The following LCA5L variants were observed in gnomAD, a reference collection of about 807,000 sequenced individuals.
The protein encoded by LCA5L is lebercilin LCA5 like.
LCA5L carries 35 observed loss-of-function variants against 45.4 expected under a neutral mutation model. The ratio of observed to expected loss-of-function variants is 0.77; its 90% CI spans 0.59 to 1.02. LCA5L has a LOEUF of 1.02. Ranked by LOEUF, LCA5L falls within the 50% of genes least tolerant of loss-of-function variation. The pLI is 0.00. For synonymous variants in LCA5L, 233 were observed against 264.7 expected (o/e 0.88, Z 1.16); for missense variants, 668 against 761.6 (o/e 0.88, Z 1.45).
At chr21:39,439,127 A>G (rs571522270) in intron 2 of LCA5L, among the ~76,000 whole-genome samples, 23 of 152,232 alleles carry the variant, frequency 1.5e-4, no homozygotes, top group Non-Finnish European at 3.4e-4. Context: ...AGAAGGACAC[A>G]GGAGGGGTCA....
chr21:39,422,020 A>G (rs985707044), intron 6 of LCA5L: 1 of 152,252 alleles, frequency 6.6e-6, no homozygotes, highest in East Asian at 1.9e-4. Flanking sequence ...AAAAGGCCCA[A>G]TAATATCACT....
intron 4 of LCA5L, among the ~76,000 whole-genome samples, 171 bp downstream of exon 4, chr21:39,428,960 A>G (rs2075346117): frequency 6.6e-6 from 1 of 152,030 alleles, no homozygotes; most frequent in African/African-American, 2.4e-5. Context: ...TTAGTTGTCT[A>G]AAGTGATAAT....
At chr21:39,436,348 C>A (rs2076284370) in intron 2 of LCA5L, among the ~76,000 whole-genome samples, 1 of 151,968 alleles carries the variant, frequency 6.6e-6, no homozygotes, top group South Asian at 2.1e-4. Context: ...AATCCTAATT[C>A]TTAAAAGTAA....
Position 39,428,480 on chromosome 21 carries a change from TCAGC to T in LCA5L, c.10_13del (p.Ala4IlefsTer2). On this transcript the variant is annotated frameshift_variant, in exon 5 of 11. Transcript: ENST00000288350. LOFTEE classifies it high-confidence loss of function. Reference sequence around the variant, plus strand: ...CTCATCTATATTTGTTTTTGTTAGATCAGCCAAAGACATAGCAAACAACCTAATA... The same window carrying T: ...CTCATCTATATTTGTTTTTGTTAGATCAAAGACATAGCAAACAACCTAATA... The T allele has an allele frequency of 6.2e-7, 1 of 1,602,476 alleles. No individual in the cohort carries two copies. The highest frequency in any genetic ancestry group is 8.5e-7 in the Non-Finnish European group (1 of 1,176,312).
chr21:39,412,049 A>G (rs2040176165), intron 7 of LCA5L, among the ~76,000 whole-genome samples: 1 of 152,166 alleles, frequency 6.6e-6, no homozygotes, highest in African/African-American at 2.4e-5. Flanking sequence ...CAGCTTGTCC[A>G]CTGTTTTCCT....
At chr21:39,435,292 T>C (rs759538032) in intron 3 of LCA5L, 128 bp downstream of exon 3, 18 of 152,254 alleles carry the variant, frequency 1.2e-4, no homozygotes, top group Non-Finnish European at 2.2e-4. Context: ...GAAATAAGAA[T>C]GTTCAAGATC....
chr21:39,440,919 T>C (rs1389257531), intron 2 of LCA5L, among the ~76,000 whole-genome samples: 1 of 152,244 alleles, frequency 6.6e-6, no homozygotes, highest in African/African-American at 2.4e-5. Flanking sequence ...GCTAAGATAA[T>C]CAATATCTTA....
Position 39,419,130 on chromosome 21 carries a change from G to A in LCA5L, c.975+1576C>T, listed in dbSNP as rs577463044. 1.2e-4 allele frequency among the ~76,000 whole-genome samples: 18 copies of A among 151,924 alleles called. No homozygotes were observed. In the South Asian group the frequency reaches 1.2e-3, roughly 11 times the overall value. On this transcript the variant is annotated intron_variant, in intron 7 of 10. Transcript: ENST00000288350. ...ATTCATCAGATGAATTATCCAACTC[G>A]TCCAGCTCCGCCCCAACTCCTCACC...
intron 3 of LCA5L, among the ~76,000 whole-genome samples, chr21:39,432,270 A>G (rs1601922455): frequency 6.6e-6 from 1 of 152,322 alleles, no homozygotes; most frequent in Non-Finnish European, 1.5e-5. Flanking sequence ...TCTTTTTGCT[A>G]CAACAAATAG....
Position 39,443,227 on chromosome 21 carries a change from C to A in LCA5L, c.-246+908G>T, listed in dbSNP as rs535202165. 3.3e-5 allele frequency among the ~76,000 whole-genome samples: 5 copies of A among 152,182 alleles called. No homozygotes were observed. In the South Asian group the frequency reaches 1.0e-3, roughly 32 times the overall value. ...TGGCAGTTCTTTAAAGTTTGCCTGT[C>A]GAAAGGGATAAGGGATTGGACAATA... On this transcript the variant is annotated intron_variant, in intron 2 of 10. Transcript: ENST00000288350.
intron 10 of LCA5L, chr21:39,407,648 G>A (rs1361971479): frequency 6.6e-6 from 1 of 152,172 alleles, no homozygotes; most frequent in Non-Finnish European, 1.5e-5. Flanking sequence ...AACTGATGGG[G>A]AAGGATGTTC....
At chr21:39,414,791 T>G (rs2040847292) in intron 7 of LCA5L, among the ~76,000 whole-genome samples, 1 of 151,310 alleles carries the variant, frequency 6.6e-6, no homozygotes, top group Non-Finnish European at 1.5e-5. Flanking sequence ...TGTGCATATT[T>G]TACTTTGTGA....
intron 10 of LCA5L, chr21:39,406,833 T>G (rs530823480): frequency 8.8e-6 from 4 of 454,270 alleles, no homozygotes; most frequent in South Asian, 9.0e-5. Flanking sequence ...ATGGGAATTA[T>G]GAAACCAAAA....
In LCA5L at chr21:39,440,938, A is replaced by C. The variant is rs561090807; in HGVS notation, c.-246+3197T>G. Among the ~76,000 whole-genome samples the C allele has an allele frequency of 3.3e-5, 5 of 152,366 alleles. No homozygotes were observed. In the South Asian group the frequency reaches 1.0e-3, roughly 32 times the overall value. Reference sequence around the variant, plus strand: ...AGATAATCAATATCTTACGGTTTTCAAGAACATTATTTCAAACACTTTATC... The same window carrying C: ...AGATAATCAATATCTTACGGTTTTCCAGAACATTATTTCAAACACTTTATC... On this transcript the variant is annotated intron_variant, in intron 2 of 10. Transcript: ENST00000288350.
intron 7 of LCA5L, among the ~76,000 whole-genome samples, chr21:39,420,175 T>C (rs1442126968): frequency 6.6e-6 from 1 of 152,148 alleles, no homozygotes; most frequent in Non-Finnish European, 1.5e-5. Context: ...TTGCAGATCC[T>C]TTGTCTGTTC....
At chr21:39,426,499 G>A (rs1054545772) in intron 5 of LCA5L, among the ~76,000 whole-genome samples, 1 of 152,170 alleles carries the variant, frequency 6.6e-6, no homozygotes, top group Non-Finnish European at 1.5e-5. Context: ...GAATTTGGGG[G>A]TGGGTTTTAA....
chr21:39,439,539 G>T (rs1265122912), intron 2 of LCA5L: 1 of 152,218 alleles, frequency 6.6e-6, no homozygotes, highest in Non-Finnish European at 1.5e-5. Context: ...AGAGAAGATG[G>T]TGAGTTCAAA....
chr21:39,431,876 T>C (rs1023113325), intron 3 of LCA5L, among the ~76,000 whole-genome samples: 4 of 152,122 alleles, frequency 2.6e-5, no homozygotes, highest in South Asian at 2.1e-4. Flanking sequence ...CTAAAACACA[T>C]AGTATAAGGC....
rs2077432135 is a variant in LCA5L at position 39,445,767 on chromosome 21, CG to C, written c.-356del. 6.6e-6 allele frequency: 1 copy of C among 152,186 alleles called. No individual in the cohort carries two copies. Among genetic ancestry groups the C allele is most frequent in the Admixed American group, 6.5e-5 (1 of 15,282 alleles). 9.4% of individuals were successfully genotyped at this position (152,186 alleles called of 1,614,324 possible). ...CACGACTGCGCCAACGCCGCAGCGCCGGCGCGTCCCCATGGAAACCCGCGCG... is the reference window on the plus strand; with the variant it reads ...CACGACTGCGCCAACGCCGCAGCGCCGCGCGTCCCCATGGAAACCCGCGCG... On this transcript the variant is annotated 5_prime_UTR_variant, in exon 1 of 11. Coordinates refer to ENST00000288350, the MANE Select transcript of LCA5L (RefSeq NM_152505.4).
Sources: allele counts gnomAD v4.1 joint callset (sites outside exome capture counted in the v4.1 genomes callset), GRCh38; gene constraint gnomAD v4.1.1; transcripts MANE v1.5; gene names NCBI Gene and HGNC (gene_info 2026-07-23, HGNC 2026-07-21).